Variants in AGBL1 observed in about 807,000 individuals in gnomAD.
The protein encoded by AGBL1 is AGBL carboxypeptidase 1.
A neutral mutation model predicts 118.9 loss-of-function variants in AGBL1; 130 were observed. The observed-to-expected ratio is 1.09, with a 90% CI of 0.95 to 1.26. The LOEUF is 1.26. Ranked by LOEUF, AGBL1 falls within the 50% of genes most tolerant of loss-of-function variation. The pLI, the probability that AGBL1 is intolerant of heterozygous loss-of-function variation, is 0.00. For missense variants in AGBL1, 1,584 were observed against 1,298.1 expected (o/e 1.22, Z -3.38); for synonymous variants, 555 against 478.9 (o/e 1.16, Z -2.08).
rs376026672 is a variant in AGBL1, at chr15:86,240,077, T to C, written c.527-7594T>C. On this transcript the variant is annotated intron_variant, in intron 6 of 22. Coordinates refer to ENST00000614907, the MANE Select transcript of AGBL1 (RefSeq NM_001386094.1). ...GTCAGATGAGGGGATTTCATTTGAA[T>C]CCTAGATATGCCACTTATAAGCTCT... 2.6e-5 allele frequency among the ~76,000 whole-genome samples: 4 copies of C among 152,234 alleles called. No homozygotes were observed. In the East Asian group the frequency reaches 5.8e-4, roughly 22 times the overall value.
downstream of AGBL1, among the ~76,000 whole-genome samples, chr15:86,916,679 A>G (rs112286505): frequency 0.021 from 3,272 of 152,232 alleles, 73 homozygotes; most frequent in Admixed American, 0.062. Context: ...CAGTTTCTCC[A>G]TTGGAGGGTG....
intron 22 of AGBL1, among the ~76,000 whole-genome samples, chr15:86,810,226 A>T (rs1173905417): frequency 6.6e-6 from 1 of 152,134 alleles, no homozygotes; most frequent in African/African-American, 2.4e-5. Flanking sequence ...ACAAGAACAC[A>T]GTCCCTGGAA....
intron 17 of AGBL1, among the ~76,000 whole-genome samples, chr15:86,383,741 A>G (rs924512661): frequency 2.6e-5 from 4 of 152,218 alleles, no homozygotes; most frequent in Non-Finnish European, 5.9e-5. Context: ...CTGCAAGAGC[A>G]GATACTTTGC....
At chr15:86,474,861 C>A (rs2082533432) in intron 18 of AGBL1, among the ~76,000 whole-genome samples, 1 of 152,172 alleles carries the variant, frequency 6.6e-6, no homozygotes, top group South Asian at 2.1e-4. Context: ...TGGCCAGGTA[C>A]CCCTCTGAGA....
At chr15:86,340,294 GC>G (rs34405404) in intron 17 of AGBL1, among the ~76,000 whole-genome samples, 80,674 of 149,290 alleles carry the variant, frequency 0.54, 23,780 homozygotes, top group Non-Finnish European at 0.67. Context: ...TGCCTCCACT[GC>G]CCCCCCCCCA....
chr15:86,761,399 A>G lies in AGBL1; in HGVS notation c.3158+86963A>G, dbSNP rs563208642. 2.0e-5 allele frequency among the ~76,000 whole-genome samples: 3 copies of G among 152,212 alleles called. No individual in the cohort carries two copies. In the East Asian group the frequency reaches 5.8e-4, roughly 29 times the overall value. Reference sequence around the variant, plus strand: ...TGAATTCATGCAGCTGAGACAAGGCAGATCTAAGTTCTGTAGGTCCTGAAA... The same window carrying G: ...TGAATTCATGCAGCTGAGACAAGGCGGATCTAAGTTCTGTAGGTCCTGAAA... On this transcript the variant is annotated intron_variant, in intron 22 of 22. Transcript: ENST00000614907.
intron 22 of AGBL1, among the ~76,000 whole-genome samples, chr15:86,787,206 A>G (rs975211491): frequency 6.6e-6 from 1 of 152,190 alleles, no homozygotes; most frequent in East Asian, 1.9e-4. Context: ...CATATCCACA[A>G]CATATCCATA....
intron 9 of AGBL1, among the ~76,000 whole-genome samples, chr15:86,260,278 C>CT (rs1362848005): frequency 6.6e-6 from 1 of 152,194 alleles, no homozygotes; most frequent in African/African-American, 2.4e-5. Context: ...AGGCCTTTAA[C>CT]CTGTGGCCTT....
chr15:86,888,964 TAGTA>T (rs1181910950), intron 22 of AGBL1, among the ~76,000 whole-genome samples: 2 of 152,124 alleles, frequency 1.3e-5, no homozygotes, highest in Admixed American at 6.5e-5. Flanking sequence ...TATAAGCACT[TAGTA>T]AGAGTTATAT....
chr15:86,965,516 A>G (rs1357125489), intron 23 of AGBL1, among the ~76,000 whole-genome samples: 1 of 151,936 alleles, frequency 6.6e-6, no homozygotes, highest in African/African-American at 2.4e-5. Context: ...AGTTCTTTAT[A>G]GATTCTGGAT....
At chr15:86,898,365 T>C (rs2080162024) in intron 22 of AGBL1, among the ~76,000 whole-genome samples, 1 of 152,196 alleles carries the variant, frequency 6.6e-6, no homozygotes, top group Non-Finnish European at 1.5e-5. Context: ...TTAATCTATC[T>C]TGAGTTAATT....
chr15:86,854,511 A>T (rs577304502), intron 22 of AGBL1, among the ~76,000 whole-genome samples: 1 of 152,238 alleles, frequency 6.6e-6, no homozygotes, highest in South Asian at 2.1e-4. Context: ...AAGGATTATG[A>T]TGTTCATCTA....
intron 1 of AGBL1, among the ~76,000 whole-genome samples, chr15:86,082,797 C>T (rs1464815374): frequency 6.6e-6 from 1 of 152,128 alleles, no homozygotes; most frequent in Non-Finnish European, 1.5e-5. Flanking sequence ...GCCTTTACAG[C>T]GTGGGTGTGA....
intron 23 of AGBL1, among the ~76,000 whole-genome samples, chr15:86,957,404 G>T (rs72755661): frequency 6.6e-6 from 1 of 151,810 alleles, no homozygotes; most frequent in South Asian, 2.1e-4. Flanking sequence ...AAATCTTCTC[G>T]TTTTTCTCAG....
intron 22 of AGBL1, among the ~76,000 whole-genome samples, chr15:86,777,559 GATTT>G (rs1305761483): frequency 6.6e-6 from 1 of 151,942 alleles, no homozygotes; most frequent in African/African-American, 2.4e-5. Context: ...TCAATTTGCA[GATTT>G]ATTTAGGGAG....
intron 18 of AGBL1, among the ~76,000 whole-genome samples, chr15:86,472,860 A>G (rs938601660): frequency 6.6e-6 from 1 of 152,202 alleles, no homozygotes; most frequent in African/African-American, 2.4e-5. Flanking sequence ...CAAAGGTTGC[A>G]GTGAGCCGAG....
intron 21 of AGBL1, among the ~76,000 whole-genome samples, chr15:86,670,590 G>C (rs2085725014): frequency 9.4e-6 from 1 of 106,062 alleles, no homozygotes; most frequent in Non-Finnish European, 1.8e-5. Flanking sequence ...GGTGACAAGA[G>C]TGAAACTCTG....
intron 23 of AGBL1, among the ~76,000 whole-genome samples, chr15:86,964,008 ACT>A (rs71460234): frequency 1.4e-3 from 199 of 139,482 alleles, no homozygotes; most frequent in African/African-American, 4.4e-3. Context: ...GAGCCAGGAA[ACT>A]CTCTCTCTCT....
At chr15:86,968,868 T>C (rs1218305690) in intron 23 of AGBL1, among the ~76,000 whole-genome samples, 1 of 151,860 alleles carries the variant, frequency 6.6e-6, no homozygotes, top group African/African-American at 2.4e-5. Flanking sequence ...CTTGTAGCTT[T>C]CTCACATCGT....
Sources: gnomAD v4.1 joint callset for allele counts (sites outside exome capture counted in the v4.1 genomes callset) on GRCh38, gnomAD v4.1.1 for gene constraint, MANE v1.5 for transcripts, NCBI Gene and HGNC (gene_info 2026-07-23, HGNC 2026-07-21) for gene names.